Variants in SRRM2 observed in about 807,000 individuals in gnomAD.
The protein encoded by SRRM2 is serine/arginine repetitive matrix protein 2.
In SRRM2, 30 loss-of-function variants were observed where a neutral mutation model predicts 213.8. That is an observed-to-expected ratio of 0.14 (90% CI 0.10 to 0.19). The LOEUF (loss-of-function observed/expected upper bound fraction) is 0.19. Among genes scored for constraint, SRRM2 ranks in the 10% least tolerant of loss-of-function variants. The pLI is 1.00. For missense variants in SRRM2, 4,904 were observed against 3,647.0 expected, an observed-to-expected ratio of 1.34 and a Z score of -8.88; for synonymous variants, 2,025 against 1,377.7, an observed-to-expected ratio of 1.47 and a Z score of -10.40.
At position 2,770,393 on chromosome 16, in the gene SRRM2, C is replaced by G; in HGVS notation, c.8063C>G (p.Ser2688Cys). Residue 2688 changes from serine (S) to cysteine (C), a missense_variant, in exon 13 of 15, where the codon TCT becomes TGT. By Grantham distance (112) the Ser-to-Cys change is moderately radical. Transcript: ENST00000301740. ...PRKPIDSLRDSRSLSYSPVER... is the reference protein window; with the variant it reads ...PRKPIDSLRDCRSLSYSPVER... ...AAGCCAATAGACTCCCTCAGGGACT[C>G]TCGGTCCCTCAGCTACTCGCCTGTG... 6.2e-7 allele frequency: 1 copy of G among 1,609,318 alleles called. No individual in the cohort carries two copies. Among genetic ancestry groups the G allele is most frequent in the East Asian group, 2.2e-5 (1 of 44,752 alleles).
chr16:2,760,470 T>C lies in SRRM2; in HGVS notation c.1003T>C (p.Tyr335His). 1 of 1,614,172 alleles carries C rather than the reference T, an allele frequency of 6.2e-7. No homozygotes were observed. Among genetic ancestry groups the C allele is most frequent in the Non-Finnish European group, 8.5e-7 (1 of 1,180,032 alleles). The change falls in exon 10 of 15, where the codon TAT (tyrosine) becomes CAT (histidine). Residue 335 changes from tyrosine (Y) to histidine (H), a missense_variant. Physicochemically the swap from Tyr to His is moderately conservative, Grantham distance 83. Coordinates refer to ENST00000301740, the MANE Select transcript of SRRM2 (RefSeq NM_016333.4). ...TGCTACGAAACAGCCTAGCAGCCCT[T>C]ATGAAGACAAAGATAAAGACAAGAA... ...ETATKQPSSP[Y>H]EDKDKDKKEK...
rs531425935 is a variant in SRRM2, at chr16:2,765,594, G to A, written c.5066G>A (p.Arg1689His). The change falls in exon 11 of 15, where the codon CGC (arginine) becomes CAC (histidine). Residue 1689 changes from arginine (R) to histidine (H), a missense_variant. Transcript: ENST00000301740. ...AAGTCTCGTACACCACCTCGACGTC[G>A]CAGCTCTCGATCATCTCCGGAGCTA... ...KTKSRTPPRR[R>H]SSRSSPELTR... is the part of the protein sequence containing the mutation. 1.9e-6 allele frequency: 3 copies of A among 1,614,076 alleles called. No homozygotes were observed. The highest frequency in any genetic ancestry group is 1.3e-5 in the African/African-American group (1 of 74,982).
At chr16:2,758,697 T>TA in intron 5 of SRRM2, 150 bp downstream of exon 5, 2 of 764,190 alleles carry the variant, frequency 2.6e-6, no homozygotes, top group East Asian at 2.6e-5. Flanking sequence ...CTAGAAGAAA[T>TA]ACCTGAGTTT....
Position 2,767,434 on chromosome 16 carries a change from C to T in SRRM2, c.6906C>T (p.Thr2302=), listed in dbSNP as rs753029892. 2.8e-5 allele frequency: 45 copies of T among 1,614,054 alleles called. No homozygotes were observed. The highest frequency in any genetic ancestry group is 6.7e-5 in the East Asian group (3 of 44,892). Residue 2302 remains threonine, a synonymous_variant, in exon 11 of 15, where the codon ACC becomes ACT. Coordinates refer to ENST00000301740, the MANE Select transcript of SRRM2 (RefSeq NM_016333.4). Reference sequence around the variant, plus strand: ...CTGTGAACCTAGCAGGGGCCAGAACCCCAGCTGCCTTGGCAGCTCTGAGTC... The same window carrying T: ...CTGTGAACCTAGCAGGGGCCAGAACTCCAGCTGCCTTGGCAGCTCTGAGTC... ...APAVNLAGAR[T]PAALAALSLT...
intron 4 of SRRM2, among the ~76,000 whole-genome samples, chr16:2,758,223 A>G (rs1458301342): frequency 6.6e-6 from 1 of 152,160 alleles, no homozygotes; most frequent in African/African-American, 2.4e-5. Flanking sequence ...AAAGAAAAAA[A>G]GCTGGTTGGT....
In SRRM2 at chr16:2,765,483, G is replaced by T; in HGVS notation, c.4955G>T (p.Ser1652Ile). ...GGCAGAGGCCCTTCTCCTGAAGGAA[G>T]CAGCAGTACCGAGTCCTCTCCTGAA... ...SKGRGPSPEG[S>I]SSTESSPEHP... The change falls in exon 11 of 15, where the codon AGC becomes ATC. Residue 1652 changes from serine to isoleucine, a missense_variant. Coordinates refer to ENST00000301740, the MANE Select transcript of SRRM2 (RefSeq NM_016333.4). 1 of 1,614,180 alleles carries T rather than the reference G, an allele frequency of 6.2e-7. No individual in the cohort carries two copies. The highest frequency in any genetic ancestry group is 8.5e-7 in the Non-Finnish European group (1 of 1,180,038).
chr16:2,766,212 T>A lies in SRRM2; in HGVS notation c.5684T>A (p.Val1895Asp). ...RRRSRSRTSPVSRRRSRSRTS... is the reference protein window; with the variant it reads ...RRRSRSRTSPDSRRRSRSRTS... ...AGGTCCAGATCTCGAACTTCACCAG[T>A]CAGCCGGAGACGGTCAAGGTCCAGG... The change falls in exon 11 of 15, where the codon GTC becomes GAC. Residue 1895 changes from valine to aspartate, a missense_variant. Transcript: ENST00000301740. The surrounding 1 kb of genome is among the most constrained non-coding windows in gnomAD (Gnocchi z 7.0). The A allele has an allele frequency of 6.2e-7, 1 of 1,614,042 alleles. No individual in the cohort carries two copies.
intron 10 of SRRM2, 137 bp downstream of exon 10, chr16:2,760,636 C>T (rs1339738375): frequency 6.4e-6 from 6 of 934,884 alleles, no homozygotes; most frequent in Non-Finnish European, 9.5e-6. Context: ...TCTCCTAGTT[C>T]TCTTACTGCA....
Position 2,757,798 on chromosome 16 carries a change from A to T in SRRM2, c.368A>T (p.Gln123Leu), listed in dbSNP as rs759039324. The T allele has an allele frequency of 2.5e-6, 4 of 1,613,928 alleles. No individual in the cohort carries two copies. The African/African-American group carries it at 5.3e-5, about 22-fold the overall frequency. The change falls in exon 4 of 15, where the codon CAG becomes CTG. Residue 123 changes from glutamine (Q) to leucine (L), a missense_variant. Coordinates refer to ENST00000301740, the MANE Select transcript of SRRM2 (RefSeq NM_016333.4). Reference protein sequence around the residue: ...GQRPAVTETHQLAELNEKKNE... With the variant: ...GQRPAVTETHLLAELNEKKNE... ...TTCTCTAGGGTCACGGAGACTCACC[A>T]GTTGGCAGAATTAAATGAGAAGAAG...
rs770362991 is a variant in SRRM2, at chr16:2,761,729, C to T, written c.1201C>T (p.Arg401Trp). 1.7e-5 allele frequency: 27 copies of T among 1,610,110 alleles called. No homozygotes were observed. Among genetic ancestry groups the T allele is most frequent in the East Asian group, 2.2e-5 (1 of 44,856 alleles). The stretch of plus-strand genomic sequence containing the variant: ...CCCCCCATCTGAGGCCTCTCCAACT[C>T]GGGACCGTTCACCACCTAAGTCTCC... The part of the protein sequence containing the change: ...VNPPSEASPT[R>W]DRSPPKSPEK... The change falls in exon 11 of 15, where the codon CGG becomes TGG. Residue 401 changes from arginine to tryptophan, a missense_variant. Transcript: ENST00000301740.
chr16:2,755,281 C>A (rs2068101322), intron 1 of SRRM2, among the ~76,000 whole-genome samples: 1 of 152,096 alleles, frequency 6.6e-6, no homozygotes, highest in African/African-American at 2.4e-5. Context: ...TGGGAGGAGG[C>A]ATGGGGTTAA....
chr16:2,759,229 T>C, intron 7 of SRRM2, 57 bp downstream of exon 7: 1 of 1,605,988 alleles, frequency 6.2e-7, no homozygotes. Flanking sequence ...TGATTTTTTT[T>C]TCTTGGAGTG....
rs1275370245 is a variant in SRRM2, at chr16:2,762,276, G to A, written c.1748G>A (p.Arg583Lys). Residue 583 changes from arginine to lysine, a missense_variant, in exon 11 of 15, where the codon AGG becomes AAG. Transcript: ENST00000301740. ...SRSRTPARRG[R>K]SRSRTPARRR... ...TCTAGAACACCAGCCCGCCGGGGCA[G>A]GTCCCGCTCTAGAACACCTGCCAGG... 6.2e-7 allele frequency: 1 copy of A among 1,614,006 alleles called. No individual in the cohort carries two copies. Among genetic ancestry groups the A allele is most frequent in the African/African-American group, 1.3e-5 (1 of 74,908 alleles).
chr16:2,758,922 T>C, intron 5 of SRRM2, 63 bp from the exon 6 acceptor site: 2 of 1,591,972 alleles, frequency 1.3e-6, no homozygotes, highest in Admixed American at 1.7e-5. Flanking sequence ...GGAGAGAGAT[T>C]GTAAGTGGGA....
chr16:2,770,318 G>GT (rs1166712280), intron 12 of SRRM2, 34 bp from the exon 13 acceptor site: 1 of 1,540,688 alleles, frequency 6.5e-7, no homozygotes, highest in Admixed American at 2.0e-5. Context: ...GCTTGAAAGG[G>GT]TGTGGTGCTA....
At position 2,763,421 on chromosome 16, in the gene SRRM2, C is replaced by T; in HGVS notation, c.2893C>T (p.Pro965Ser). The change falls in exon 11 of 15, where the codon CCA becomes TCA. Residue 965 changes from proline (P) to serine (S), a missense_variant. By Grantham distance (74) the Pro-to-Ser change is moderately conservative. Coordinates refer to ENST00000301740, the MANE Select transcript of SRRM2 (RefSeq NM_016333.4). ...CTCCAATGTGGAATCCAGATTGTTG[C>T]CAAGATACAGTCATTCTGGGTCCTC... is the stretch of plus-strand genomic sequence containing the variant. ...PCSNVESRLLPRYSHSGSSSP... is the reference protein window; with the variant it reads ...PCSNVESRLLSRYSHSGSSSP... The T allele has an allele frequency of 6.2e-7, 1 of 1,614,184 alleles. No individual in the cohort carries two copies. The highest frequency in any genetic ancestry group is 8.5e-7 in the Non-Finnish European group (1 of 1,180,028).
In SRRM2 at chr16:2,770,706, C is replaced by G. The variant is rs2068714413; in HGVS notation, c.8238C>G (p.His2746Gln). ...RETPSPRPMR[H>Q]RSSRSP ...CACCTAGCCCTCGGCCCATGAGACA[C>G]CGCTCCTCCAGGTGCGTGTCCTGGA... is the stretch of plus-strand genomic sequence containing the variant. The change falls in exon 14 of 15, where the codon CAC (histidine) becomes CAG (glutamine). Residue 2746 changes from histidine to glutamine, a missense_variant. By Grantham distance (24) the His-to-Gln change is conservative (BLOSUM62 0). Coordinates refer to ENST00000301740, the MANE Select transcript of SRRM2 (RefSeq NM_016333.4). 6.4e-7 allele frequency: 1 copy of G among 1,562,184 alleles called. No homozygotes were observed. The highest frequency in any genetic ancestry group is 2.4e-5 in the East Asian group (1 of 41,996).
rs761541273 is a variant in SRRM2, at chr16:2,765,635, C to T, written c.5107C>T (p.Leu1703=). ...SSPELTRKAR[L]SRRSRSASSS... Reference sequence around the variant, plus strand: ...TCCGGAGCTAACAAGGAAGGCCAGACTGTCCCGTAGAAGCCGCTCTGCCTC... The same window carrying T: ...TCCGGAGCTAACAAGGAAGGCCAGATTGTCCCGTAGAAGCCGCTCTGCCTC... The change falls in exon 11 of 15, where the codon CTG becomes TTG. Residue 1703 remains leucine (L), a synonymous_variant. Coordinates refer to ENST00000301740, the MANE Select transcript of SRRM2 (RefSeq NM_016333.4). 10 of 1,614,188 alleles carry T rather than the reference C, an allele frequency of 6.2e-6. No homozygotes were observed. The South Asian group carries it at 9.9e-5, about 16-fold the overall frequency.
At position 2,768,876 on chromosome 16, in the gene SRRM2, C is replaced by T. The variant is rs540867177; in HGVS notation, c.7734-121C>T. 100 of 1,543,796 alleles carry T rather than the reference C, an allele frequency of 6.5e-5. No individual in the cohort carries two copies. The East Asian group carries it at 7.8e-4, about 12-fold the overall frequency. ...CAGAGAATTGCTGGCTCACGTGGCT[C>T]GGAGAGCTCCCAGCGCCTTTCTCAG... On this transcript the variant is annotated intron_variant, in intron 11 of 14. Coordinates refer to ENST00000301740, the MANE Select transcript of SRRM2 (RefSeq NM_016333.4).
Sources: gnomAD v4.1 joint callset for allele counts (sites outside exome capture counted in the v4.1 genomes callset) on GRCh38, gnomAD v4.1.1 for gene constraint, Gnocchi (gnomAD v3.1) non-coding constraint, MANE v1.5 for transcripts, NCBI Gene and HGNC (gene_info 2026-07-23, HGNC 2026-07-21) for gene names.